Variants in PKHD1 observed in about 807,000 individuals in gnomAD.
PKHD1 encodes the protein fibrocystin.
Under a neutral mutation model 412.0 loss-of-function variants are expected in PKHD1, and 291 were observed. The ratio of observed to expected loss-of-function variants is 0.71; its 90% CI spans 0.64 to 0.78. The LOEUF is 0.78. Ranked by LOEUF, PKHD1 falls within the 30% of genes least tolerant of loss-of-function variation. The pLI, the probability that PKHD1 is intolerant of heterozygous loss-of-function variation, is 0.00. For missense variants in PKHD1, 4,825 were observed against 4,950.7 expected (o/e 0.97, Z 0.76); for synonymous variants, 1,777 against 1,821.5 (o/e 0.98, Z 0.62).
chr6:51,766,676 G>A (rs2151095666), intron 55 of PKHD1, among the ~76,000 whole-genome samples: 1 of 150,508 alleles, frequency 6.6e-6, no homozygotes, highest in South Asian at 2.1e-4. Context: ...ACTATTGTAT[G>A]CTGCAAATAT....
chr6:51,766,615 A>ATATTTTTATTTATTTTTTTT (rs1789069382), intron 55 of PKHD1, among the ~76,000 whole-genome samples: 1 of 150,932 alleles, frequency 6.6e-6, no homozygotes, highest in African/African-American at 2.4e-5. Flanking sequence ...TGGTGTATTC[A>ATATTTTTATTTATTTTTTTT]TATTTTTATT....
intron 33 of PKHD1, among the ~76,000 whole-genome samples, chr6:52,018,605 C>G (rs1238379005): frequency 6.6e-6 from 1 of 152,214 alleles, no homozygotes; most frequent in Admixed American, 6.5e-5. Context: ...CTTCCGCCTC[C>G]CGGGTTCAAG....
intron 36 of PKHD1, among the ~76,000 whole-genome samples, chr6:51,941,182 C>T (rs1319683398): frequency 6.7e-6 from 1 of 150,202 alleles, no homozygotes; most frequent in African/African-American, 2.4e-5. Flanking sequence ...TCCCATCCCA[C>T]AGCACGCTTT....
chr6:51,845,140 A>G (rs901780289), intron 50 of PKHD1, among the ~76,000 whole-genome samples: 1 of 152,240 alleles, frequency 6.6e-6, no homozygotes, highest in African/African-American at 2.4e-5. Context: ...TACCAACAAC[A>G]GCAACTACCA....
At chr6:51,751,023 C>A (rs1786034977) in intron 57 of PKHD1, among the ~76,000 whole-genome samples, 1 of 152,152 alleles carries the variant, frequency 6.6e-6, no homozygotes, top group South Asian at 2.1e-4. Context: ...GTGACCTGCC[C>A]ACTTCAGCCT....
At chr6:51,670,119 G>A (rs1313680541) in intron 60 of PKHD1, among the ~76,000 whole-genome samples, 185 of 139,810 alleles carry the variant, frequency 1.3e-3, no homozygotes, top group African/African-American at 4.2e-3. Flanking sequence ...TTTCTGTCTC[G>A]TTGATCTGTC....
chr6:51,905,427 CT>C (rs1781928260), intron 41 of PKHD1, among the ~76,000 whole-genome samples: 1 of 152,120 alleles, frequency 6.6e-6, no homozygotes, highest in South Asian at 2.1e-4. Flanking sequence ...AACAGAAGGA[CT>C]TGTCTGGGAG....
At chr6:51,933,005 T>C (rs967469837) in intron 37 of PKHD1, among the ~76,000 whole-genome samples, 2 of 152,210 alleles carry the variant, frequency 1.3e-5, no homozygotes, top group Admixed American at 6.5e-5. Context: ...TATTTTGTGA[T>C]GCCAATATAG....
At chr6:51,778,441 T>C (rs1157569056) in intron 53 of PKHD1, among the ~76,000 whole-genome samples, 3 of 152,108 alleles carry the variant, frequency 2.0e-5, no homozygotes, top group African/African-American at 7.2e-5. Flanking sequence ...GTTAAGTAGC[T>C]TGTCAGGAAT....
At chr6:51,930,661 T>C (rs991057999) in intron 37 of PKHD1, among the ~76,000 whole-genome samples, 2 of 152,016 alleles carry the variant, frequency 1.3e-5, no homozygotes, top group Non-Finnish European at 2.9e-5. Flanking sequence ...TGAGCTGGAG[T>C]TAAATTAGAA....
At position 51,649,213 on chromosome 6, in the gene PKHD1, T is replaced by C. The variant is rs1490925373; in HGVS notation, c.11182A>G (p.Ser3728Gly). The change falls in exon 62 of 67, where the codon AGC (serine) becomes GGC (glycine). Residue 3728 changes from serine to glycine, a missense_variant. Ser to Gly is a moderately conservative substitution (Grantham distance 56). Coordinates refer to ENST00000371117, the MANE Select transcript of PKHD1 (RefSeq NM_138694.4). The stretch of plus-strand genomic sequence containing the variant: ...ATCAAGTTCCCAGTTTTAAAACTGC[T>C]TGTATTTCTGACAGATATAAAAACA... ...SKGVIGYGNT[S>G]SFKTGNLIYI... 1 of 1,610,008 alleles carries C rather than the reference T, an allele frequency of 6.2e-7. No individual in the cohort carries two copies. Among genetic ancestry groups the C allele is most frequent in the East Asian group, 2.2e-5 (1 of 44,832 alleles).
intron 66 of PKHD1, among the ~76,000 whole-genome samples, chr6:51,625,047 T>C (rs183194001): frequency 3.3e-5 from 5 of 152,310 alleles, no homozygotes; most frequent in Admixed American, 2.0e-4. Context: ...GAGGGATGTA[T>C]ACTTTACTAT....
intron 39 of PKHD1, among the ~76,000 whole-genome samples, chr6:51,911,243 A>G (rs1237064572): frequency 3.3e-5 from 5 of 152,118 alleles, no homozygotes; most frequent in African/African-American, 1.2e-4. Context: ...TGACCTACTA[A>G]ACTAACCATC....
chr6:51,946,581 T>C (rs1240017010), intron 36 of PKHD1, among the ~76,000 whole-genome samples: 1 of 152,212 alleles, frequency 6.6e-6, no homozygotes, highest in African/African-American at 2.4e-5. Context: ...TTATAGAGCT[T>C]GACCCCATTT....
chr6:52,011,857 T>C (rs1373922969), intron 34 of PKHD1, among the ~76,000 whole-genome samples: 1 of 152,224 alleles, frequency 6.6e-6, no homozygotes, highest in Non-Finnish European at 1.5e-5. Flanking sequence ...GCCACCCATA[T>C]CTGAACGCAG....
At chr6:51,910,480 G>A (rs1320085451) in intron 39 of PKHD1, among the ~76,000 whole-genome samples, 2 of 152,090 alleles carry the variant, frequency 1.3e-5, no homozygotes, top group African/African-American at 4.8e-5. Flanking sequence ...CAGGCCTTGT[G>A]TTATTAAATT....
chr6:51,934,082 A>C (rs767066648), intron 37 of PKHD1, 28 bp downstream of exon 37: 1 of 1,534,354 alleles, frequency 6.5e-7, no homozygotes, highest in Admixed American at 1.7e-5. Context: ...GCTCTACTTC[A>C]TTTCCTCTGA....
intron 36 of PKHD1, among the ~76,000 whole-genome samples, chr6:51,935,267 T>C (rs1381305804): frequency 6.6e-6 from 1 of 152,232 alleles, no homozygotes; most frequent in Admixed American, 6.5e-5. Context: ...ACAAGAATAT[T>C]CGTTTATAAT....
chr6:51,627,188 C>T, intron 65 of PKHD1, 72 bp from the exon 66 acceptor site: 1 of 1,369,190 alleles, frequency 7.3e-7, no homozygotes, highest in Non-Finnish European at 1.0e-6. Flanking sequence ...TAGGTGTTTC[C>T]CTTGTATGTA....
Sources: gnomAD v4.1 joint callset for allele counts (sites outside exome capture counted in the v4.1 genomes callset) on GRCh38, gnomAD v4.1.1 for gene constraint, MANE v1.5 for transcripts, NCBI Gene and HGNC (gene_info 2026-07-23, HGNC 2026-07-21) for gene names.